FAM135B: variants seen among roughly 807,000 people sequenced by gnomAD.
The protein encoded by FAM135B is family with sequence similarity 135 member B.
Under a neutral mutation model 127.7 loss-of-function variants are expected in FAM135B, and 43 were observed. The observed-to-expected ratio is 0.34, with a 90% CI of 0.26 to 0.43. The LOEUF (loss-of-function observed/expected upper bound fraction) is 0.43. Ranked by LOEUF, FAM135B falls within the 20% of genes least tolerant of loss-of-function variation. The probability of loss-of-function intolerance (pLI) is 1.00; values close to 1 mark genes in which losing one functional copy is unlikely to be tolerated. For synonymous variants in FAM135B, 670 were observed against 665.1 expected (o/e 1.01, Z -0.11); for missense variants, 1,558 against 1,725.6 (o/e 0.90, Z 1.72).
intron 1 of FAM135B, among the ~76,000 whole-genome samples, chr8:138,466,040 T>A (rs974634383): frequency 2.0e-5 from 3 of 152,154 alleles, no homozygotes; most frequent in African/African-American, 2.4e-5. Flanking sequence ...CCTCCCAACG[T>A]GCTGGGATTA....
chr8:138,265,102 C>T (rs2130621726), intron 4 of FAM135B, among the ~76,000 whole-genome samples: 1 of 152,244 alleles, frequency 6.6e-6, no homozygotes, highest in Non-Finnish European at 1.5e-5. Context: ...TCGGGGCTTG[C>T]AATGATGCTG....
chr8:138,250,951 G>T lies in FAM135B; in HGVS notation c.432C>A (p.Pro144=). 2 of 1,613,886 alleles carry T rather than the reference G, an allele frequency of 1.2e-6. No homozygotes were observed. Among genetic ancestry groups the T allele is most frequent in the Non-Finnish European group, 1.7e-6 (2 of 1,179,972 alleles). The change falls in exon 6 of 20, where the codon CCC becomes CCA. Residue 144 remains proline, a synonymous_variant. Coordinates refer to ENST00000395297, the MANE Select transcript of FAM135B (RefSeq NM_015912.4). The part of the protein sequence containing the change: ...SSRTLGLHFH[P]RNGLHHQVPV... The stretch of plus-strand genomic sequence containing the variant: ...GGACCTGGTGGTGCAGACCATTCCG[G>T]GGGTGGAAGTGCAGGCCAAGCGTTC...
rs114650236 is a variant in FAM135B, at chr8:138,471,668, A to C, written c.-20+25003T>G. On this transcript the variant is annotated intron_variant, in intron 1 of 19. Coordinates refer to ENST00000395297, the MANE Select transcript of FAM135B (RefSeq NM_015912.4). ...AATCCAGCAGGATGCATGGAATTAT[A>C]GAAATGCAAGCACAATTTAAAAGTG... Among the ~76,000 whole-genome samples the C allele has an allele frequency of 6.1e-3, 933 of 152,336 alleles. 6 individuals are homozygous for C. Among genetic ancestry groups the C allele is most frequent in the African/African-American group, 0.022 (903 of 41,572 alleles).
chr8:138,160,133 G>A (rs1001537293), intron 12 of FAM135B, among the ~76,000 whole-genome samples: 1 of 152,048 alleles, frequency 6.6e-6, no homozygotes, highest in East Asian at 1.9e-4. Flanking sequence ...CCTGGGGGGT[G>A]GTAAGTCCTG....
intron 7 of FAM135B, among the ~76,000 whole-genome samples, chr8:138,227,439 AT>A (rs773310373): frequency 6.6e-6 from 1 of 152,168 alleles, no homozygotes; most frequent in Non-Finnish European, 1.5e-5. Context: ...TGGATCCAGA[AT>A]TTTTTACTCC....
intron 1 of FAM135B, 51 bp from the exon 2 acceptor site, chr8:138,368,053 A>G (rs1830869117): frequency 7.4e-7 from 1 of 1,343,398 alleles, no homozygotes; most frequent in African/African-American, 1.4e-5. Context: ...AGCCACTCAG[A>G]AAGAACCTGG....
intron 2 of FAM135B, among the ~76,000 whole-genome samples, chr8:138,364,680 G>A (rs749548889): frequency 1.3e-5 from 2 of 151,926 alleles, no homozygotes; most frequent in Non-Finnish European, 2.9e-5. Context: ...CCATTCTTGA[G>A]TATAAAACCC....
At chr8:138,453,041 C>T (rs932708823) in intron 1 of FAM135B, among the ~76,000 whole-genome samples, 19 of 152,090 alleles carry the variant, frequency 1.2e-4, no homozygotes, top group African/African-American at 4.6e-4. Flanking sequence ...ACTAGTAGCT[C>T]ATGAATAGAA....
At chr8:138,473,307 CAT>C (rs1231061948) in intron 1 of FAM135B, among the ~76,000 whole-genome samples, 1 of 152,110 alleles carries the variant, frequency 6.6e-6, no homozygotes, top group East Asian at 1.9e-4. Context: ...AAAGTCTTCT[CAT>C]AGCATTCCCT....
intron 19 of FAM135B, among the ~76,000 whole-genome samples, chr8:138,136,671 C>T (rs1452856023): frequency 6.6e-6 from 1 of 152,200 alleles, no homozygotes; most frequent in Non-Finnish European, 1.5e-5. Flanking sequence ...TGGAAAATTC[C>T]TACCTATCCT....
intron 7 of FAM135B, among the ~76,000 whole-genome samples, chr8:138,217,183 A>T (rs1323995533): frequency 3.3e-5 from 5 of 152,212 alleles, no homozygotes; most frequent in Admixed American, 6.5e-5. Context: ...GAGTCTGGAA[A>T]TTTTGTTCAG....
At chr8:138,482,616 T>A (rs532893044) in intron 1 of FAM135B, among the ~76,000 whole-genome samples, 1 of 152,274 alleles carries the variant, frequency 6.6e-6, no homozygotes, top group South Asian at 2.1e-4. Context: ...ATATATAGTA[T>A]GCCAGTCACT....
At chr8:138,280,599 T>G (rs1824190576) in intron 3 of FAM135B, among the ~76,000 whole-genome samples, 2 of 152,178 alleles carry the variant, frequency 1.3e-5, no homozygotes, top group South Asian at 4.1e-4. Flanking sequence ...TAGAGTTCAG[T>G]AGTGCTGTGG....
At chr8:138,239,006 C>T (rs975416447) in intron 7 of FAM135B, among the ~76,000 whole-genome samples, 3 of 152,226 alleles carry the variant, frequency 2.0e-5, no homozygotes, top group African/African-American at 2.4e-5. Flanking sequence ...CTTTGACACA[C>T]ATCCCCAAAA....
intron 1 of FAM135B, among the ~76,000 whole-genome samples, chr8:138,399,249 T>C (rs940498658): frequency 6.6e-6 from 1 of 152,174 alleles, no homozygotes; most frequent in Non-Finnish European, 1.5e-5. Context: ...CCATATATTA[T>C]ATGATTATCC....
At chr8:138,317,862 G>C (rs1464511898) in intron 2 of FAM135B, among the ~76,000 whole-genome samples, 1 of 152,202 alleles carries the variant, frequency 6.6e-6, no homozygotes, top group Admixed American at 6.5e-5. Context: ...ACCATGACAT[G>C]TGCCTCTGTG....
intron 12 of FAM135B, among the ~76,000 whole-genome samples, chr8:138,157,369 C>T (rs540226242): frequency 1.3e-5 from 2 of 152,296 alleles, no homozygotes; most frequent in East Asian, 1.9e-4. Context: ...TGGAAGCATT[C>T]CCTTTGAAAA....
chr8:138,295,083 A>G (rs1405618286), intron 3 of FAM135B, among the ~76,000 whole-genome samples: 4 of 149,510 alleles, frequency 2.7e-5, no homozygotes, highest in African/African-American at 9.9e-5. Context: ...TTCAAATGTC[A>G]ATACCACCCT....
chr8:138,365,752 T>G (rs1830693713), intron 2 of FAM135B, among the ~76,000 whole-genome samples: 1 of 152,174 alleles, frequency 6.6e-6, no homozygotes, highest in African/African-American at 2.4e-5. Flanking sequence ...ATATGAGGCT[T>G]AGTGAAGTTA....
Sources: gnomAD v4.1 joint callset for allele counts (sites outside exome capture counted in the v4.1 genomes callset) on GRCh38, gnomAD v4.1.1 for gene constraint, MANE v1.5 for transcripts, NCBI Gene and HGNC (gene_info 2026-07-23, HGNC 2026-07-21) for gene names.